The following DTNB variants were observed in gnomAD, a reference collection of about 807,000 sequenced individuals.
The protein encoded by DTNB is DTN-B.
Under a neutral mutation model 90.7 loss-of-function variants are expected in DTNB, and 63 were observed. The observed-to-expected ratio is 0.69, with a 90% CI of 0.57 to 0.86. The LOEUF (loss-of-function observed/expected upper bound fraction) is 0.86, where lower values mean the gene tolerates loss of function less well. DTNB is among the 40% of genes least tolerant of loss of function. The pLI is 0.00. For missense variants in DTNB, 744 were observed against 807.1 expected (o/e 0.92, Z 0.95); for synonymous variants, 277 against 286.7 (o/e 0.97, Z 0.34).
At chr2:25,497,435 A>C (rs1435321500) in intron 9 of DTNB, 1 of 152,210 alleles carries the variant, frequency 6.6e-6, no homozygotes, top group African/African-American at 2.4e-5. Context: ...ACTCTTGATA[A>C]GAAAGTAGCC....
chr2:25,503,777 C>T (rs1558792931), intron 9 of DTNB, among the ~76,000 whole-genome samples: 2 of 151,670 alleles, frequency 1.3e-5, no homozygotes, highest in Non-Finnish European at 2.9e-5. Context: ...ATTAGCTGGG[C>T]GTGGTGGCGG....
intron 6 of DTNB, among the ~76,000 whole-genome samples, chr2:25,590,112 G>A (rs1477971250): frequency 6.6e-6 from 1 of 152,230 alleles, no homozygotes; most frequent in African/African-American, 2.4e-5. Context: ...CCAGAAGCTT[G>A]GAGATGCCAG....
At chr2:25,571,216 T>C (rs1447736070) in intron 8 of DTNB, among the ~76,000 whole-genome samples, 5 of 152,226 alleles carry the variant, frequency 3.3e-5, no homozygotes, top group Non-Finnish European at 7.3e-5. Context: ...CCTTTACTAC[T>C]GTCCGACCAT....
chr2:25,494,328 T>C (rs937926750), intron 9 of DTNB, among the ~76,000 whole-genome samples: 1 of 152,216 alleles, frequency 6.6e-6, no homozygotes, highest in African/African-American at 2.4e-5. Flanking sequence ...CTCTTTTATT[T>C]CAGGCATCTC....
At chr2:25,570,502 C>T (rs2059706237) in intron 8 of DTNB, among the ~76,000 whole-genome samples, 1 of 151,816 alleles carries the variant, frequency 6.6e-6, no homozygotes, top group South Asian at 2.1e-4. Context: ...CTAGCTGTCT[C>T]CATCTTTCTT....
At chr2:25,423,434 T>C (rs1371345167) in intron 15 of DTNB, among the ~76,000 whole-genome samples, 1 of 152,210 alleles carries the variant, frequency 6.6e-6, no homozygotes, top group East Asian at 1.9e-4. Context: ...CTTTAAATTA[T>C]CATTTCAGAT....
At chr2:25,659,753 A>G (rs1326679025) in intron 1 of DTNB, among the ~76,000 whole-genome samples, 2 of 152,184 alleles carry the variant, frequency 1.3e-5, no homozygotes, top group African/African-American at 4.8e-5. Flanking sequence ...TTGAATTTGT[A>G]GTTTAAAAAA....
At chr2:25,415,241 C>T (rs946619278) in intron 16 of DTNB, among the ~76,000 whole-genome samples, 1 of 139,708 alleles carries the variant, frequency 7.2e-6, no homozygotes, top group Non-Finnish European at 1.6e-5. Flanking sequence ...GGCATAAGAG[C>T]TTCTTTTTTT....
At chr2:25,511,542 G>C (rs145236511) in intron 9 of DTNB, among the ~76,000 whole-genome samples, 1 of 152,082 alleles carries the variant, frequency 6.6e-6, no homozygotes, top group Non-Finnish European at 1.5e-5. Flanking sequence ...ATATTGGTCA[G>C]GCTGGTCTCG....
At chr2:25,572,184 C>T (rs1559076638) in intron 8 of DTNB, among the ~76,000 whole-genome samples, 2 of 152,086 alleles carry the variant, frequency 1.3e-5, no homozygotes, top group Non-Finnish European at 2.9e-5. Context: ...CTATCTGCAC[C>T]AGGCCGGGCG....
At chr2:25,552,841 ATTTTTTTTTTTTT>A (rs544243784) in intron 8 of DTNB, among the ~76,000 whole-genome samples, 9 of 86,036 alleles carry the variant, frequency 1.0e-4, no homozygotes, top group Non-Finnish European at 2.1e-4. Context: ...TCTCTTTTTG[ATTTTTTTTTTTTT>A]TTTTTTTTTT....
chr2:25,631,978 T>C (rs528801278), intron 3 of DTNB, among the ~76,000 whole-genome samples: 124 of 152,078 alleles, frequency 8.2e-4, no homozygotes, highest in Non-Finnish European at 1.6e-3. Flanking sequence ...GTGGATCACT[T>C]GAGGTCAGGA....
intron 6 of DTNB, among the ~76,000 whole-genome samples, chr2:25,591,443 T>G (rs756425309): frequency 6.6e-6 from 1 of 152,218 alleles, no homozygotes; most frequent in Non-Finnish European, 1.5e-5. Flanking sequence ...GCCATTAATA[T>G]GAAGACCTAA....
At position 25,589,941 on chromosome 2, in the gene DTNB, A is replaced by C. The variant is rs1232446944; in HGVS notation, c.603+6145T>G. ...GTGCAGAGCAGTGAAGCGAGTGTGA[A>C]GGAGTGTGGGGTCCGGCCACTATGC... On this transcript the variant is annotated intron_variant, in intron 6 of 20. Coordinates refer to ENST00000406818, the MANE Select transcript of DTNB (RefSeq NM_021907.5). 9.8e-5 allele frequency among the ~76,000 whole-genome samples: 15 copies of C among 152,292 alleles called. No individual in the cohort carries two copies. The East Asian group carries it at 2.5e-3, about 25-fold the overall frequency.
chr2:25,516,152 G>C (rs2075074712), intron 9 of DTNB, among the ~76,000 whole-genome samples: 1 of 152,150 alleles, frequency 6.6e-6, no homozygotes, highest in Non-Finnish European at 1.5e-5. Context: ...GATGGCTATA[G>C]TCCAAAGAAT....
At chr2:25,550,254 G>C (rs1038502154) in intron 8 of DTNB, among the ~76,000 whole-genome samples, 4 of 152,094 alleles carry the variant, frequency 2.6e-5, no homozygotes, top group African/African-American at 9.7e-5. Flanking sequence ...AGCCAGGCGT[G>C]GTGGCAGGTG....
chr2:25,648,431 G>A (rs1012760672), intron 2 of DTNB, among the ~76,000 whole-genome samples: 1 of 137,380 alleles, frequency 7.3e-6, no homozygotes, highest in Non-Finnish European at 1.7e-5. Context: ...AAGGCTTAAG[G>A]ATATTATATA....
At chr2:25,532,026 C>T (rs1443978328) in intron 8 of DTNB, among the ~76,000 whole-genome samples, 1 of 152,096 alleles carries the variant, frequency 6.6e-6, no homozygotes, top group Non-Finnish European at 1.5e-5. Flanking sequence ...GTAGGTGGAT[C>T]ACCTGAGGTT....
At chr2:25,505,738 A>G (rs902821958) in intron 9 of DTNB, among the ~76,000 whole-genome samples, 2 of 152,204 alleles carry the variant, frequency 1.3e-5, no homozygotes, top group South Asian at 2.1e-4. Context: ...ACAAAAATTT[A>G]GAAATACAGC....
Sources: allele counts gnomAD v4.1 joint callset (sites outside exome capture counted in the v4.1 genomes callset), GRCh38; gene constraint gnomAD v4.1.1; transcripts MANE v1.5; gene names NCBI Gene and HGNC (gene_info 2026-07-23, HGNC 2026-07-21).